SLC24A2: variants seen among roughly 807,000 people sequenced by gnomAD.
SLC24A2 encodes sodium/potassium/calcium exchanger 2.
Under a neutral mutation model 62.0 loss-of-function variants are expected in SLC24A2, and 36 were observed. The observed-to-expected ratio is 0.58, with a 90% CI of 0.44 to 0.77. The LOEUF (loss-of-function observed/expected upper bound fraction) is 0.77. SLC24A2 is among the 30% of genes least tolerant of loss of function. The pLI is 0.00. For synonymous variants in SLC24A2, 358 were observed against 294.0 expected (o/e 1.22, Z -2.23); for missense variants, 846 against 817.9 (o/e 1.03, Z -0.42).
intron 2 of SLC24A2, among the ~76,000 whole-genome samples, chr9:19,741,333 G>C (rs972239235): frequency 6.6e-6 from 1 of 152,166 alleles, no homozygotes; most frequent in Non-Finnish European, 1.5e-5. Flanking sequence ...AGAAGGAAGA[G>C]GTTTGCTTCT....
chr9:20,053,403 CT>C, the SLC24A2 span, among the ~76,000 whole-genome samples: 1 of 152,112 alleles, frequency 6.6e-6, no homozygotes, highest in African/African-American at 2.4e-5. Flanking sequence ...ATTTTCCTCC[CT>C]TTTGTTTGCC....
the SLC24A2 span, among the ~76,000 whole-genome samples, chr9:19,960,122 G>A: frequency 2.6e-5 from 4 of 152,278 alleles, no homozygotes; most frequent in African/African-American, 9.6e-5. Flanking sequence ...TAGAGCAGGA[G>A]CATTTCATTG....
At chr9:19,634,277 GCCT>G (rs539251265) in intron 2 of SLC24A2, among the ~76,000 whole-genome samples, 83 of 131,786 alleles carry the variant, frequency 6.3e-4, no homozygotes, top group South Asian at 1.0e-3. Flanking sequence ...TGAAACTGCA[GCCT>G]CTTTTTTTTT....
At chr9:20,105,513 G>T in the SLC24A2 span, among the ~76,000 whole-genome samples, 1 of 151,898 alleles carries the variant, frequency 6.6e-6, no homozygotes, top group Non-Finnish European at 1.5e-5. Flanking sequence ...AGACCACAGT[G>T]CAATCAAACT....
chr9:20,093,722 AG>A, the SLC24A2 span, among the ~76,000 whole-genome samples: 24 of 152,352 alleles, frequency 1.6e-4, 1 homozygote, highest in South Asian at 5.0e-3. Context: ...GTACAAAAAA[AG>A]TAGTTAGAAA....
At chr9:19,638,537 A>G (rs73646351) in intron 2 of SLC24A2, among the ~76,000 whole-genome samples, 1 of 152,160 alleles carries the variant, frequency 6.6e-6, no homozygotes, top group African/African-American at 2.4e-5. Context: ...TTATTTCCCA[A>G]TGAGTTAGAC....
the SLC24A2 span, among the ~76,000 whole-genome samples, chr9:20,306,738 C>T: frequency 2.0e-5 from 3 of 152,172 alleles, no homozygotes; most frequent in African/African-American, 2.4e-5. Flanking sequence ...ACTCTGTCAC[C>T]CAGGCTGGAG....
the SLC24A2 span, among the ~76,000 whole-genome samples, chr9:20,242,423 G>A: frequency 6.6e-6 from 1 of 152,184 alleles, no homozygotes; most frequent in Admixed American, 6.5e-5. Context: ...AACTGCAAAC[G>A]AGGAAATCCA....
At chr9:19,901,444 A>G in the SLC24A2 span, among the ~76,000 whole-genome samples, 1 of 152,214 alleles carries the variant, frequency 6.6e-6, no homozygotes. Flanking sequence ...TGGGAAGTAT[A>G]GCCTTTGGCA....
At chr9:20,157,088 C>T in the SLC24A2 span, among the ~76,000 whole-genome samples, 1,328 of 151,734 alleles carry the variant, frequency 8.8e-3, 25 homozygotes, top group African/African-American at 0.029. Flanking sequence ...TATATTAATT[C>T]ATTTGTTGCA....
At chr9:19,692,274 C>G (rs2118470890) in intron 2 of SLC24A2, among the ~76,000 whole-genome samples, 1 of 152,296 alleles carries the variant, frequency 6.6e-6, no homozygotes, top group South Asian at 2.1e-4. Flanking sequence ...AGTCACAAAA[C>G]AGTTGCCACT....
the SLC24A2 span, among the ~76,000 whole-genome samples, chr9:20,091,616 G>C: frequency 6.6e-6 from 1 of 152,108 alleles, no homozygotes; most frequent in African/African-American, 2.4e-5. Context: ...AGCTTCCTCA[G>C]TGAAGGAGAA....
At chr9:19,619,548 C>T in intron 4 of SLC24A2, 36 bp downstream of exon 4, 3 of 1,515,762 alleles carry the variant, frequency 2.0e-6, no homozygotes, top group Non-Finnish European at 2.8e-6. Context: ...TCCTTTTCCC[C>T]CCAAACAAGT....
the SLC24A2 span, among the ~76,000 whole-genome samples, chr9:20,014,835 G>C: frequency 1.5e-3 from 229 of 152,100 alleles, 1 homozygote; most frequent in African/African-American, 5.4e-3. Context: ...AGTGATTATA[G>C]TCAATAGCTA....
chr9:19,630,295 ATAG>A (rs1236262870), intron 2 of SLC24A2, among the ~76,000 whole-genome samples: 1 of 152,200 alleles, frequency 6.6e-6, no homozygotes, highest in African/African-American at 2.4e-5. Flanking sequence ...ACATATATTA[ATAG>A]TAGAATTCAC....
At chr9:19,756,239 T>C (rs918849135) in intron 2 of SLC24A2, among the ~76,000 whole-genome samples, 2 of 152,182 alleles carry the variant, frequency 1.3e-5, no homozygotes, top group Non-Finnish European at 2.9e-5. Flanking sequence ...ACATACATAG[T>C]TGATATATAA....
chr9:19,851,002 C>CGTATATAT, the SLC24A2 span, among the ~76,000 whole-genome samples: 15 of 28,610 alleles, frequency 5.2e-4, 1 homozygote, highest in Admixed American at 9.2e-4. Flanking sequence ...TATATATATA[C>CGTATATAT]ACATACATAT....
intron 2 of SLC24A2, among the ~76,000 whole-genome samples, chr9:19,690,573 A>G (rs140183597): frequency 7.0e-4 from 106 of 152,246 alleles, no homozygotes; most frequent in Admixed American, 1.2e-3. Context: ...AACTGACAGA[A>G]AAGCAAAGTT....
chr9:20,051,183 A>G, the SLC24A2 span, among the ~76,000 whole-genome samples: 1 of 152,184 alleles, frequency 6.6e-6, no homozygotes, highest in African/African-American at 2.4e-5. Flanking sequence ...AGAGTAGGAA[A>G]AGATATACCA....
Sources: gnomAD v4.1 joint callset for allele counts (sites outside exome capture counted in the v4.1 genomes callset) on GRCh38, gnomAD v4.1.1 for gene constraint, MANE v1.5 for transcripts, NCBI Gene and HGNC (gene_info 2026-07-23, HGNC 2026-07-21) for gene names.